FRMD4A: variants seen among roughly 807,000 people sequenced by gnomAD.
FRMD4A encodes FERM domain-containing protein 4A.
In FRMD4A, 29 loss-of-function variants were observed where a neutral mutation model predicts 129.1. The ratio of observed to expected loss-of-function variants is 0.22; its 90% CI spans 0.17 to 0.31. FRMD4A has a LOEUF of 0.31. Ranked by LOEUF, FRMD4A falls within the 10% of genes least tolerant of loss-of-function variation. The pLI is 1.00. For synonymous variants in FRMD4A, 634 were observed against 571.6 expected (o/e 1.11, Z -1.56); for missense variants, 1,272 against 1,375.8 (o/e 0.92, Z 1.19).
At chr10:14,118,527 G>C (rs148505861) in intron 2 of FRMD4A, among the ~76,000 whole-genome samples, 1 of 152,064 alleles carries the variant, frequency 6.6e-6, no homozygotes, top group African/African-American at 2.4e-5. Flanking sequence ...GGCTATATTC[G>C]GCTGTTCTCA....
intron 5 of FRMD4A, among the ~76,000 whole-genome samples, chr10:13,786,661 G>A (rs777602180): frequency 6.6e-6 from 1 of 152,060 alleles, no homozygotes; most frequent in African/African-American, 2.4e-5. Context: ...CAAAGGGTAG[G>A]CAGAATAATA....
At chr10:13,687,106 C>T (rs2085157581) in intron 15 of FRMD4A, among the ~76,000 whole-genome samples, 1 of 152,124 alleles carries the variant, frequency 6.6e-6, no homozygotes, top group Admixed American at 6.5e-5. Context: ...TCCTGGCCAA[C>T]ATCATGAAAC....
Position 14,107,959 on chromosome 10 carries a change from G to A in FRMD4A, c.45+222099C>T, listed in dbSNP as rs1424180062. Among the ~76,000 whole-genome samples, 4 of 152,224 alleles carry A rather than the reference G, an allele frequency of 2.6e-5. No individual in the cohort carries two copies. In the East Asian group the frequency reaches 7.7e-4, roughly 29 times the overall value. The stretch of plus-strand genomic sequence containing the variant: ...TTGTATTTTTGGCAATCCATCTTAG[G>A]GGCAGATTTCCAGAAGTGGACCAAA... On this transcript the variant is annotated intron_variant, in intron 2 of 24. Coordinates refer to ENST00000357447, the MANE Select transcript of FRMD4A (RefSeq NM_018027.5).
intron 2 of FRMD4A, among the ~76,000 whole-genome samples, chr10:13,998,908 T>G (rs2095632305): frequency 6.6e-6 from 1 of 152,160 alleles, no homozygotes; most frequent in African/African-American, 2.4e-5. Flanking sequence ...TCTTTTTCAG[T>G]CTTACCCAGA....
At chr10:13,963,706 A>G (rs1229300254) in intron 2 of FRMD4A, among the ~76,000 whole-genome samples, 1 of 152,256 alleles carries the variant, frequency 6.6e-6, no homozygotes, top group African/African-American at 2.4e-5. Context: ...AAGAAAACAC[A>G]CAAAGCGTTC....
At chr10:13,702,994 G>T (rs2087010168) in intron 13 of FRMD4A, among the ~76,000 whole-genome samples, 1 of 151,856 alleles carries the variant, frequency 6.6e-6, no homozygotes, top group Admixed American at 6.6e-5. Flanking sequence ...GAGAGAGCGA[G>T]GGGGAGATCC....
intron 2 of FRMD4A, among the ~76,000 whole-genome samples, chr10:14,134,601 T>C (rs947790258): frequency 1.3e-5 from 2 of 149,820 alleles, no homozygotes; most frequent in Non-Finnish European, 3.0e-5. Flanking sequence ...GATGGGTAGA[T>C]GGATGGATAA....
chr10:14,090,133 G>A (rs1836575914), intron 2 of FRMD4A, among the ~76,000 whole-genome samples: 1 of 150,398 alleles, frequency 6.6e-6, no homozygotes, highest in African/African-American at 2.5e-5. Flanking sequence ...TAAGGGAAAA[G>A]CCTTCTGAGG....
At chr10:13,652,691 C>A (rs2081746893) in intron 23 of FRMD4A, among the ~76,000 whole-genome samples, 1 of 152,256 alleles carries the variant, frequency 6.6e-6, no homozygotes, top group East Asian at 1.9e-4. Context: ...CGAGCTGGGG[C>A]TCCAGTTTCT....
chr10:13,918,933 A>G (rs2095039799), intron 2 of FRMD4A, among the ~76,000 whole-genome samples: 1 of 151,518 alleles, frequency 6.6e-6, no homozygotes, highest in Non-Finnish European at 1.5e-5. Flanking sequence ...TTTCCTATTT[A>G]TGCCCAAATG....
intron 12 of FRMD4A, among the ~76,000 whole-genome samples, chr10:13,722,562 G>A (rs2089525077): frequency 6.6e-6 from 1 of 151,994 alleles, no homozygotes. Context: ...GGACCCTCTG[G>A]TCTTCCCAAT....
intron 3 of FRMD4A, among the ~76,000 whole-genome samples, chr10:13,826,190 T>G (rs1021362879): frequency 6.6e-6 from 1 of 152,228 alleles, no homozygotes; most frequent in African/African-American, 2.4e-5. Context: ...TCTTAATCAG[T>G]AACTGAATCC....
chr10:14,127,714 G>A (rs554148917), intron 2 of FRMD4A, among the ~76,000 whole-genome samples: 2 of 152,144 alleles, frequency 1.3e-5, no homozygotes, highest in South Asian at 2.1e-4. Flanking sequence ...ACTCATTAAC[G>A]TTTAAAATGG....
chr10:14,252,678 G>A (rs1844480263), intron 2 of FRMD4A, among the ~76,000 whole-genome samples: 8 of 152,208 alleles, frequency 5.3e-5, no homozygotes, highest in South Asian at 2.1e-4. Context: ...TTGATCATTG[G>A]TTAAGGTGGT....
At chr10:14,039,387 C>CTATCT (rs1565204442) in intron 2 of FRMD4A, among the ~76,000 whole-genome samples, 9 of 123,746 alleles carry the variant, frequency 7.3e-5, no homozygotes, top group African/African-American at 3.1e-4. Flanking sequence ...TCCATCCATC[C>CTATCT]ATCCATCCAT....
At chr10:14,211,690 C>T (rs1383869534) in intron 2 of FRMD4A, among the ~76,000 whole-genome samples, 4 of 152,174 alleles carry the variant, frequency 2.6e-5, no homozygotes, top group Non-Finnish European at 5.9e-5. Context: ...TGTGTGTCTA[C>T]CACAGGCCAG....
At chr10:13,730,260 C>T (rs2090230711) in intron 12 of FRMD4A, among the ~76,000 whole-genome samples, 1 of 152,196 alleles carries the variant, frequency 6.6e-6, no homozygotes, top group Non-Finnish European at 1.5e-5. Context: ...AGATTTTGTC[C>T]AGACTTACTT....
intron 8 of FRMD4A, among the ~76,000 whole-genome samples, chr10:13,760,876 T>G (rs2092044364): frequency 6.6e-6 from 1 of 151,928 alleles, no homozygotes; most frequent in Non-Finnish European, 1.5e-5. Context: ...TGGCCTTTTT[T>G]TTTTTTTTCA....
Position 13,656,876 on chromosome 10 carries a change from G to T in FRMD4A, c.2713C>A (p.Arg905=). The part of the protein sequence containing the change: ...RLTPSRSQIL[R]TPSLGREGAH... ...CCCTCGCGGCCCAGCGACGGAGTCC[G>T]CAGGATCTGCGATCGCGACGGCGTC... Residue 905 remains arginine, a synonymous_variant, in exon 22 of 25, where the codon CGG becomes AGG. Transcript: ENST00000357447. 1 of 1,486,776 alleles carries T rather than the reference G, an allele frequency of 6.7e-7. No individual in the cohort carries two copies. The allele number at this position is 1,486,776 out of a possible 1,614,324, so 92.1% of individuals were successfully genotyped here. A position where few individuals can be genotyped will look rare whatever the true frequency, so the allele number is the denominator to read the frequency against.
Sources: allele counts gnomAD v4.1 joint callset (sites outside exome capture counted in the v4.1 genomes callset), GRCh38; gene constraint gnomAD v4.1.1; transcripts MANE v1.5; gene names NCBI Gene and HGNC (gene_info 2026-07-23, HGNC 2026-07-21).